The following SNAI1 variants were observed in gnomAD, a reference collection of about 807,000 sequenced individuals.
The protein encoded by SNAI1 is snail family transcriptional repressor 1, also known as zinc finger protein SNAI1.
In SNAI1, 15 loss-of-function variants were observed where a neutral mutation model predicts 24.7. The ratio of observed to expected loss-of-function variants is 0.61; its 90% confidence interval spans 0.41 to 0.93. SNAI1 has a LOEUF of 0.93. Among genes scored for constraint, SNAI1 ranks in the 40% least tolerant of loss-of-function variants. The pLI is 0.00. For missense variants in SNAI1, 283 were observed against 336.7 expected, an observed-to-expected ratio of 0.84 and a Z score of 1.25; for synonymous variants, 163 against 142.9, an observed-to-expected ratio of 1.14 and a Z score of -1.00.
At chr20:49,983,404 G>C (rs1274624330) in intron 1 of SNAI1, among the ~76,000 whole-genome samples, 2 of 126,034 alleles carry the variant, frequency 1.6e-5, no homozygotes, top group African/African-American at 9.4e-5. Flanking sequence ...AGCTCCGCAA[G>C]AGGGGAAGGA....
In SNAI1 at chr20:49,983,046, G is replaced by A; in HGVS notation, c.-14G>A. ...ACTGCTGCGCGAATCGGCGACCCCA[G>A]TGCCTCGACCACTATGCCGCGCTCT... On this transcript the variant is annotated 5_prime_UTR_variant, in exon 1 of 3. In the 5' UTR this introduces an upstream ATG that the reference lacks. Transcript: ENST00000244050. 1.2e-6 allele frequency: 2 copies of A among 1,610,454 alleles called. No homozygotes were observed. The highest frequency in any genetic ancestry group is 1.7e-6 in the Non-Finnish European group (2 of 1,177,762).
chr20:49,983,896 C>T lies in SNAI1; in HGVS notation c.155C>T (p.Pro52Leu). 3 of 1,613,260 alleles carry T rather than the reference C, an allele frequency of 1.9e-6. No individual in the cohort carries two copies. In the African/African-American group the frequency reaches 4.0e-5, roughly 21 times the overall value. The part of the protein sequence containing the change: ...AAIPPPEILN[P>L]TASLPMLIWD... ...ATCCCACCTCCGGAGATCCTCAACCCCACCGCCTCGCTGCCAATGCTCATC... is the reference window on the plus strand; with the variant it reads ...ATCCCACCTCCGGAGATCCTCAACCTCACCGCCTCGCTGCCAATGCTCATC... The change falls in exon 2 of 3, where the codon CCC becomes CTC. Residue 52 changes from proline (P) to leucine (L), a missense_variant. Pro to Leu is a moderately conservative substitution (Grantham distance 98). Coordinates refer to ENST00000244050, the MANE Select transcript of SNAI1 (RefSeq NM_005985.4).
chr20:49,988,116 C>T lies in SNAI1; in HGVS notation c.*60C>T, dbSNP rs2146881346. ...CCTGCCTGACAGCCTTCCCCAGCTC[C>T]AGCAGGAAGGACCCCACATCCTTCT... is the stretch of plus-strand genomic sequence containing the variant. On this transcript the variant is annotated 3_prime_UTR_variant, in exon 3 of 3. Coordinates refer to ENST00000244050, the MANE Select transcript of SNAI1 (RefSeq NM_005985.4). The T allele has an allele frequency of 6.9e-7, 1 of 1,452,018 alleles. No individual in the cohort carries two copies. Among genetic ancestry groups the T allele is most frequent in the Non-Finnish European group, 9.4e-7 (1 of 1,066,256 alleles). 89.9% of individuals were successfully genotyped at this position (1,452,018 alleles called of 1,614,324 possible). A position where few individuals can be genotyped will look rare whatever the true frequency, so the allele number is the denominator to read the frequency against.
In SNAI1 at chr20:49,984,067, C is replaced by G; in HGVS notation, c.326C>G (p.Ala109Gly). ...GSQPPSPPSP[A>G]PSSFSSTSVS... is the part of the protein sequence containing the mutation. ...CAGCCCCCCAGCCCACCCTCACCGGCTCCTTCGTCCTTCTCCTCTACTTCA... is the reference window on the plus strand; with the variant it reads ...CAGCCCCCCAGCCCACCCTCACCGGGTCCTTCGTCCTTCTCCTCTACTTCA... Residue 109 changes from alanine (A) to glycine (G), a missense_variant, in exon 2 of 3, where the codon GCT becomes GGT. Coordinates refer to ENST00000244050, the MANE Select transcript of SNAI1 (RefSeq NM_005985.4). 6.2e-7 allele frequency: 1 copy of G among 1,614,150 alleles called. No individual in the cohort carries two copies. Among genetic ancestry groups the G allele is most frequent in the Non-Finnish European group, 8.5e-7 (1 of 1,180,010 alleles).
intron 2 of SNAI1, among the ~76,000 whole-genome samples, chr20:49,985,789 C>G (rs576903082): frequency 1.3e-5 from 2 of 152,210 alleles, no homozygotes; most frequent in South Asian, 4.1e-4. Flanking sequence ...CCCTTTAATC[C>G]GGGGATATCG....
intron 2 of SNAI1, 151 bp downstream of exon 2, chr20:49,984,502 G>T (rs183358559): frequency 1.2e-6 from 1 of 802,300 alleles, no homozygotes; most frequent in Non-Finnish European, 1.9e-6. Context: ...CTCTGGAAAC[G>T]TTTGGCAGAA....
intron 2 of SNAI1, among the ~76,000 whole-genome samples, chr20:49,984,578 TCAGC>T (rs2078328104): frequency 5.3e-5 from 8 of 152,238 alleles, no homozygotes; most frequent in Non-Finnish European, 1.5e-5. Flanking sequence ...AGCCTGTTTC[TCAGC>T]CAAATGGGTC....
chr20:49,986,350 A>G lies in SNAI1; in HGVS notation c.611-1522A>G, dbSNP rs539285377. ...CCCCATGAGACTGAGTCCAGCTCTC[A>G]GGCGCTCCATAAGTCCCTATTGAAT... On this transcript the variant is annotated intron_variant, in intron 2 of 2. Coordinates refer to ENST00000244050, the MANE Select transcript of SNAI1 (RefSeq NM_005985.4). 1.0e-3 allele frequency among the ~76,000 whole-genome samples: 157 copies of G among 152,094 alleles called. 1 individual carries two copies. The highest frequency in any genetic ancestry group is 3.6e-3 in the African/African-American group (149 of 41,480).
In SNAI1 at chr20:49,984,213, T is replaced by C. The variant is rs1340630367; in HGVS notation, c.472T>C (p.Tyr158His). ...LQARKAFNCKYCNKEYLSLGA... is the reference protein window; with the variant it reads ...LQARKAFNCKHCNKEYLSLGA... ...GGCTCGAAAGGCCTTCAACTGCAAATACTGCAACAAGGAATACCTCAGCCT... is the reference window on the plus strand; with the variant it reads ...GGCTCGAAAGGCCTTCAACTGCAAACACTGCAACAAGGAATACCTCAGCCT... Residue 158 changes from tyrosine (Y) to histidine (H), a missense_variant, in exon 2 of 3, where the codon TAC (tyrosine) becomes CAC (histidine). Physicochemically the swap from Tyr to His is moderately conservative, Grantham distance 83. Transcript: ENST00000244050. 1 of 1,614,042 alleles carries C rather than the reference T, an allele frequency of 6.2e-7. No homozygotes were observed. The highest frequency in any genetic ancestry group is 8.5e-7 in the Non-Finnish European group (1 of 1,180,038).
rs781403027 is a variant in SNAI1, at chr20:49,983,871, A to G, written c.130A>G (p.Ile44Val). ...CGACCAGGCCCACCTGCTGGCAGCC[A>G]TCCCACCTCCGGAGATCCTCAACCC... ...PYDQAHLLAA[I>V]PPPEILNPTA... Residue 44 changes from isoleucine to valine, a missense_variant, in exon 2 of 3, where the codon ATC (isoleucine) becomes GTC (valine). By Grantham distance (29) the Ile-to-Val change is conservative. Coordinates refer to ENST00000244050, the MANE Select transcript of SNAI1 (RefSeq NM_005985.4). 22 of 1,611,208 alleles carry G rather than the reference A, an allele frequency of 1.4e-5. 1 individual carries two copies. Among genetic ancestry groups the G allele is most frequent in the Non-Finnish European group, 1.7e-5 (20 of 1,178,998 alleles).
chr20:49,988,052 G>T lies in SNAI1; in HGVS notation c.791G>T (p.Arg264Leu). 6.3e-7 allele frequency: 1 copy of T among 1,591,000 alleles called. No individual in the cohort carries two copies. The highest frequency in any genetic ancestry group is 8.6e-7 in the Non-Finnish European group (1 of 1,166,248). ...GAGTCCGGCTGCTCAGGATGTCCCC[G>T]CTGACCCTCGAGGCTCCCTCTTCCT... ...HQESGCSGCP[R>L] Residue 264 changes from arginine to leucine, a missense_variant, in exon 3 of 3, where the codon CGC (arginine) becomes CTC (leucine). Arg to Leu is a moderately radical substitution (Grantham distance 102). Coordinates refer to ENST00000244050, the MANE Select transcript of SNAI1 (RefSeq NM_005985.4).
At position 49,988,144 on chromosome 20, in the gene SNAI1, C is replaced by T; in HGVS notation, c.*88C>T. 1 of 1,216,868 alleles carries T rather than the reference C, an allele frequency of 8.2e-7. No individual in the cohort carries two copies. The highest frequency in any genetic ancestry group is 1.1e-6 in the Non-Finnish European group (1 of 871,338). 75.4% of individuals were successfully genotyped at this position (1,216,868 alleles called of 1,614,324 possible). ...CAGGAAGGACCCCACATCCTTCTCA[C>T]TGCCATGGAATTCCCTCCTGAGTGC... On this transcript the variant is annotated 3_prime_UTR_variant, in exon 3 of 3. Transcript: ENST00000244050.
chr20:49,984,479 C>T (rs1349393622), intron 2 of SNAI1, 128 bp downstream of exon 2: 2 of 975,688 alleles, frequency 2.0e-6, no homozygotes, highest in Non-Finnish European at 2.9e-6. Flanking sequence ...AGCTCAAGTT[C>T]CAGGGCCTGG....
intron 2 of SNAI1, among the ~76,000 whole-genome samples, chr20:49,987,008 T>C (rs1600888519): frequency 1.3e-5 from 2 of 152,200 alleles, no homozygotes; most frequent in African/African-American, 2.4e-5. Context: ...CCCAGCTCCA[T>C]GTGCAAGACT....
chr20:49,984,810 G>A (rs2146879443), intron 2 of SNAI1, among the ~76,000 whole-genome samples: 1 of 152,356 alleles, frequency 6.6e-6, no homozygotes, highest in East Asian at 1.9e-4. Context: ...TCTTTCAGAT[G>A]GGCATGAGAA....
In SNAI1 at chr20:49,983,814, T is replaced by A. The variant is rs1568930583; in HGVS notation, c.83-10T>A. The A allele has an allele frequency of 6.4e-7, 1 of 1,566,432 alleles. No individual in the cohort carries two copies. Among genetic ancestry groups the A allele is most frequent in the African/African-American group, 1.4e-5 (1 of 73,440 alleles). On this transcript the variant is annotated splice_polypyrimidine_tract_variant and intron_variant, in intron 1 of 2. Coordinates refer to ENST00000244050, the MANE Select transcript of SNAI1 (RefSeq NM_005985.4). ...TTAATTAACGCCTGACTCTGCTTTTTCTCCCTCAGAGTTTACCTTCCAGCA... is the reference window on the plus strand; with the variant it reads ...TTAATTAACGCCTGACTCTGCTTTTACTCCCTCAGAGTTTACCTTCCAGCA...
At position 49,982,995 on chromosome 20, in the gene SNAI1, G is replaced by T. The variant is rs906466159; in HGVS notation, c.-65G>T. The stretch of plus-strand genomic sequence containing the variant: ...TGCTGCATTCATTGCGCCGCGGCAC[G>T]GCCTAGCGAGTGGTTCTTCTGCGCT... On this transcript the variant is annotated 5_prime_UTR_variant, in exon 1 of 3. Transcript: ENST00000244050. The T allele has an allele frequency of 2.5e-5, 26 of 1,060,142 alleles. No individual in the cohort carries two copies. Among genetic ancestry groups the T allele is most frequent in the Admixed American group, 3.9e-5 (2 of 51,682 alleles). The allele number at this position is 1,060,142 out of a possible 1,614,324, so 65.7% of individuals were successfully genotyped here.
At position 49,988,346 on chromosome 20, in the gene SNAI1, C is replaced by T. The variant is rs1042190754; in HGVS notation, c.*290C>T. Reference sequence around the variant, plus strand: ...GCCTGTCTGCGTGGGTTTTTGTATCCAGAGCTGTTTGGATACAGCTGCTTT... The same window carrying T: ...GCCTGTCTGCGTGGGTTTTTGTATCTAGAGCTGTTTGGATACAGCTGCTTT... On this transcript the variant is annotated 3_prime_UTR_variant, in exon 3 of 3. Coordinates refer to ENST00000244050, the MANE Select transcript of SNAI1 (RefSeq NM_005985.4). The T allele has an allele frequency of 6.2e-5, 23 of 368,384 alleles. No homozygotes were observed. In the South Asian group the frequency reaches 9.7e-4, roughly 16 times the overall value. 22.8% of individuals were successfully genotyped at this position (368,384 alleles called of 1,614,324 possible). A position where few individuals can be genotyped will look rare whatever the true frequency, so the allele number is the denominator to read the frequency against.
Position 49,987,976 on chromosome 20 carries a change from C to T in SNAI1, c.715C>T (p.Gln239Ter). 6.2e-7 allele frequency: 1 copy of T among 1,614,048 alleles called. No individual in the cohort carries two copies. The highest frequency in any genetic ancestry group is 8.5e-7 in the Non-Finnish European group (1 of 1,179,970). ...CTCAGATGTCAAGAAGTACCAGTGC[C>T]AGGCGTGTGCTCGGACCTTCTCCCG... ...THSDVKKYQC[Q>*]ACARTFSRMS... is the part of the protein sequence containing the mutation. The change falls in exon 3 of 3, where the codon CAG becomes TAG. Residue 239 changes from glutamine (Q) to a stop codon, truncating the protein, a stop_gained. Transcript: ENST00000244050. LOFTEE classifies it high-confidence loss of function.
Sources: allele counts gnomAD v4.1 joint callset (sites outside exome capture counted in the v4.1 genomes callset), GRCh38; gene constraint gnomAD v4.1.1; transcripts MANE v1.5; gene names NCBI Gene and HGNC (gene_info 2026-07-23, HGNC 2026-07-21).